Variants in EDN3 observed in about 807,000 individuals in gnomAD.
The protein encoded by EDN3 is endothelin 3, also known as endothelin-3.
Under a neutral mutation model 21.4 loss-of-function variants are expected in EDN3, and 9 were observed. The observed-to-expected ratio is 0.42, with a 90% CI of 0.25 to 0.73. The LOEUF is 0.73. Ranked by LOEUF, EDN3 falls within the 30% of genes least tolerant of loss-of-function variation. The pLI, the probability that EDN3 is intolerant of heterozygous loss-of-function variation, is 0.26. For synonymous variants in EDN3, 133 were observed against 126.2 expected, an observed-to-expected ratio of 1.05 and a Z score of -0.36; for missense variants, 327 against 309.4, an observed-to-expected ratio of 1.06 and a Z score of -0.43.
chr20:59,302,050 T>C (rs948631484), intron 2 of EDN3, among the ~76,000 whole-genome samples: 9 of 152,112 alleles, frequency 5.9e-5, no homozygotes, highest in Non-Finnish European at 1.3e-4. Flanking sequence ...TTTTCTGAGA[T>C]AGAGAAAGCC....
At chr20:59,311,788 C>G (rs1989832535) in intron 2 of EDN3, among the ~76,000 whole-genome samples, 1 of 152,054 alleles carries the variant, frequency 6.6e-6, no homozygotes. Context: ...TCTACCCAGC[C>G]CCTATTCAAG....
chr20:59,315,109 C>T (rs1184988821), intron 2 of EDN3, among the ~76,000 whole-genome samples: 1 of 152,230 alleles, frequency 6.6e-6, no homozygotes, highest in African/African-American at 2.4e-5. Flanking sequence ...ACATTTTCCT[C>T]CCTGCCCAGG....
intron 2 of EDN3, among the ~76,000 whole-genome samples, chr20:59,315,599 C>T (rs917355295): frequency 7.2e-5 from 11 of 152,168 alleles, no homozygotes; most frequent in Admixed American, 6.5e-5. Context: ...AAAATAGTAT[C>T]AGGTACTCAT....
chr20:59,321,609 G>A (rs1393583627), intron 3 of EDN3, among the ~76,000 whole-genome samples: 1 of 122,354 alleles, frequency 8.2e-6, no homozygotes, highest in Non-Finnish European at 2.0e-5. Flanking sequence ...CTTATTGGGA[G>A]GGGGGGGAAC....
chr20:59,300,739 C>G lies in EDN3; in HGVS notation c.-74C>G. 6.6e-7 allele frequency: 1 copy of G among 1,521,038 alleles called. No individual in the cohort carries two copies. Among genetic ancestry groups the G allele is most frequent in the Non-Finnish European group, 8.9e-7 (1 of 1,119,844 alleles). 94.2% of individuals were successfully genotyped at this position (1,521,038 alleles called of 1,614,324 possible). ...AGCTGGAGGGCGAGGCCAGCTGTAC[C>G]CGGCCCCAGTGCCCTTTCGCGGCCA... On this transcript the variant is annotated 5_prime_UTR_variant, in exon 1 of 5. Transcript: ENST00000337938.
In EDN3 at chr20:59,317,753, G is replaced by C. The variant is rs539116810; in HGVS notation, c.366-3264G>C. Among the ~76,000 whole-genome samples, 86 of 152,308 alleles carry C rather than the reference G, an allele frequency of 5.6e-4. 1 individual carries two copies. The highest frequency in any genetic ancestry group is 6.2e-4 in the South Asian group (3 of 4,822). ...GTTGGAGATTCTTTCAGTGATTTTT[G>C]TGGTTATTGAACTCTTTAGGGTGAA... On this transcript the variant is annotated intron_variant, in intron 2 of 4. Coordinates refer to ENST00000337938, the MANE Select transcript of EDN3 (RefSeq NM_207034.3).
chr20:59,309,165 C>T (rs541158471), intron 2 of EDN3, among the ~76,000 whole-genome samples: 87 of 152,272 alleles, frequency 5.7e-4, no homozygotes, highest in African/African-American at 1.9e-3. Flanking sequence ...GCGCTCTTTG[C>T]GGGCACCCGT....
At position 59,325,012 on chromosome 20, in the gene EDN3, C is replaced by T. The variant is rs2146892381; in HGVS notation, c.*553C>T. On this transcript the variant is annotated 3_prime_UTR_variant, in exon 5 of 5. Transcript: ENST00000337938. Reference sequence around the variant, plus strand: ...GGGATTTTGGCAGAGAAATTTTCAGCTGTGCTTGATACCCACCAAAAGAAT... The same window carrying T: ...GGGATTTTGGCAGAGAAATTTTCAGTTGTGCTTGATACCCACCAAAAGAAT... 1 of 161,178 alleles carries T rather than the reference C, an allele frequency of 6.2e-6. No individual in the cohort carries two copies. Among genetic ancestry groups the T allele is most frequent in the Non-Finnish European group, 1.4e-5 (1 of 72,678 alleles). The allele number at this position is 161,178 out of a possible 1,614,324, so 10.0% of individuals were successfully genotyped here.
intron 3 of EDN3, 148 bp downstream of exon 3, chr20:59,321,341 G>A: frequency 4.1e-6 from 4 of 984,414 alleles, no homozygotes; most frequent in Non-Finnish European, 6.3e-6. Flanking sequence ...AGGAGGTGCT[G>A]AGCCCAGAAA....
At chr20:59,309,849 A>G (rs954097461) in intron 2 of EDN3, among the ~76,000 whole-genome samples, 3 of 152,194 alleles carry the variant, frequency 2.0e-5, no homozygotes, top group Admixed American at 6.5e-5. Context: ...AGGAAGTGTG[A>G]GTGGTCCAGG....
rs1275526990 is a variant in EDN3, at chr20:59,300,848, A to G, written c.36A>G (p.Thr12=). 6 of 1,611,370 alleles carry G rather than the reference A, an allele frequency of 3.7e-6. No individual in the cohort carries two copies. The highest frequency in any genetic ancestry group is 3.3e-5 in the South Asian group (3 of 91,016). The change falls in exon 1 of 5, where the codon ACA becomes ACG. Residue 12 remains threonine, a synonymous_variant. Coordinates refer to ENST00000337938, the MANE Select transcript of EDN3 (RefSeq NM_207034.3). ...EPGLWLLFGL[T]VTSAAGFVPC... ...GGCTGTGGCTCCTTTTCGGGCTCAC[A>G]GTGACCTCCGCCGCAGGTAAGCGCA...
chr20:59,314,064 C>T (rs1287497774), intron 2 of EDN3, among the ~76,000 whole-genome samples: 2 of 152,136 alleles, frequency 1.3e-5, no homozygotes, highest in African/African-American at 4.8e-5. Context: ...GATGGCATGC[C>T]TGCCTCCACC....
chr20:59,303,679 C>T (rs1293485154), intron 2 of EDN3, among the ~76,000 whole-genome samples: 1 of 152,152 alleles, frequency 6.6e-6, no homozygotes, highest in African/African-American at 2.4e-5. Flanking sequence ...TCAACCAACA[C>T]CCTGTGATCT....
At chr20:59,312,642 A>G (rs1028321093) in intron 2 of EDN3, among the ~76,000 whole-genome samples, 1 of 152,208 alleles carries the variant, frequency 6.6e-6, no homozygotes, top group Non-Finnish European at 1.5e-5. Flanking sequence ...AATACAGTTG[A>G]TGAGATCCTG....
chr20:59,324,543 AG>A lies in EDN3; in HGVS notation c.*85del, dbSNP rs1990735711. On this transcript the variant is annotated 3_prime_UTR_variant, in exon 5 of 5. Coordinates refer to ENST00000337938, the MANE Select transcript of EDN3 (RefSeq NM_207034.3). ...TCAGATTTCCACCTCTTTATAGACA[AG>A]AAGTGAATTTGCCTGGGGCAGAACA... 6.2e-7 allele frequency: 1 copy of A among 1,600,028 alleles called. No homozygotes were observed. The highest frequency in any genetic ancestry group is 1.3e-5 in the African/African-American group (1 of 74,588).
chr20:59,312,963 C>T (rs1027833289), intron 2 of EDN3, among the ~76,000 whole-genome samples: 2 of 152,186 alleles, frequency 1.3e-5, no homozygotes, highest in East Asian at 1.9e-4. Context: ...TACCCATCTA[C>T]GCAGCCTAGT....
rs1323081759 is a variant in EDN3, at chr20:59,321,164, C to A, written c.513C>A (p.His171Gln). Residue 171 changes from histidine (H) to glutamine (Q), a missense_variant, in exon 3 of 5, where the codon CAC becomes CAA. Coordinates refer to ENST00000337938, the MANE Select transcript of EDN3 (RefSeq NM_207034.3). ...GGAGATATGACAAGGCCTGCCTGCACTTTTGCACCCAAACTCTGGACGTCA... is the reference window on the plus strand; with the variant it reads ...GGAGATATGACAAGGCCTGCCTGCAATTTTGCACCCAAACTCTGGACGTCA... ...CVGRYDKACL[H>Q]FCTQTLDVSS... 2 of 1,614,274 alleles carry A rather than the reference C, an allele frequency of 1.2e-6. No homozygotes were observed. The highest frequency in any genetic ancestry group is 2.2e-5 in the South Asian group (2 of 91,088).
intron 2 of EDN3, among the ~76,000 whole-genome samples, chr20:59,314,209 G>C (rs1990030400): frequency 6.6e-6 from 1 of 152,182 alleles, no homozygotes; most frequent in African/African-American, 2.4e-5. Flanking sequence ...TACTGTGCTG[G>C]GTTTGTCCTG....
chr20:59,320,911 T>C (rs909752957), intron 2 of EDN3, 106 bp from the exon 3 acceptor site: 2 of 1,256,862 alleles, frequency 1.6e-6, no homozygotes, highest in African/African-American at 2.9e-5. Context: ...GAACACCAGT[T>C]TCTGAGACCT....
Sources: allele counts gnomAD v4.1 joint callset (sites outside exome capture counted in the v4.1 genomes callset), GRCh38; gene constraint gnomAD v4.1.1; transcripts MANE v1.5; gene names NCBI Gene and HGNC (gene_info 2026-07-23, HGNC 2026-07-21).